The following PDE4D variants were observed in gnomAD, a reference collection of about 807,000 sequenced individuals.
The protein encoded by PDE4D is 3',5'-cyclic-AMP phosphodiesterase 4D.
In PDE4D, 24 loss-of-function variants were observed where a neutral mutation model predicts 87.4. The observed-to-expected ratio is 0.27, with a 90% CI of 0.20 to 0.39. PDE4D has a LOEUF of 0.39. PDE4D is among the 10% of genes least tolerant of loss of function. The pLI is 1.00. For synonymous variants in PDE4D, 384 were observed against 383.2 expected, an observed-to-expected ratio of 1.00 and a Z score of -0.02; for missense variants, 714 against 1,041.0, an observed-to-expected ratio of 0.69 and a Z score of 4.32.
intron 1 of PDE4D, among the ~76,000 whole-genome samples, chr5:59,630,196 A>C (rs1466362910): frequency 6.6e-6 from 1 of 152,224 alleles, no homozygotes; most frequent in African/African-American, 2.4e-5. Flanking sequence ...ATACGTCTAT[A>C]TATAATTTTA....
At chr5:60,232,074 G>A (rs953013770) in intron 1 of PDE4D, among the ~76,000 whole-genome samples, 1 of 151,844 alleles carries the variant, frequency 6.6e-6, no homozygotes. Flanking sequence ...CCAACTGTTT[G>A]TAACTTTGTA....
intron 1 of PDE4D, among the ~76,000 whole-genome samples, chr5:59,353,788 T>C (rs1780913679): frequency 6.6e-6 from 1 of 152,012 alleles, no homozygotes; most frequent in Non-Finnish European, 1.5e-5. Flanking sequence ...TCTGCCTCAA[T>C]CAAACTTAAT....
intron 2 of PDE4D, among the ~76,000 whole-genome samples, chr5:60,143,095 G>C (rs999832677): frequency 2.6e-5 from 4 of 152,178 alleles, no homozygotes; most frequent in Admixed American, 2.0e-4. Context: ...ACGGTAGCTG[G>C]GAGTGAATAA....
intron 5 of PDE4D, among the ~76,000 whole-genome samples, chr5:59,118,441 T>A (rs2153444085): frequency 6.6e-6 from 1 of 152,352 alleles, no homozygotes; most frequent in South Asian, 2.1e-4. Context: ...TAGAAGGTAC[T>A]CCAATAAATA....
chr5:59,323,945 A>G (rs1581957366), intron 1 of PDE4D, among the ~76,000 whole-genome samples: 1 of 151,988 alleles, frequency 6.6e-6, no homozygotes, highest in African/African-American at 2.4e-5. Flanking sequence ...TGACTCCCCA[A>G]CTTATGCTCT....
At chr5:59,812,394 G>T (rs1768456054) in intron 1 of PDE4D, among the ~76,000 whole-genome samples, 1 of 152,170 alleles carries the variant, frequency 6.6e-6, no homozygotes, top group Non-Finnish European at 1.5e-5. Context: ...GTGGGGCCAG[G>T]CGTCATGGCA....
chr5:60,046,779 T>C (rs1216602867), intron 2 of PDE4D, among the ~76,000 whole-genome samples: 1 of 152,204 alleles, frequency 6.6e-6, no homozygotes, highest in Non-Finnish European at 1.5e-5. Context: ...CAGTATTTTA[T>C]TGAGGATTTT....
chr5:60,273,703 C>T (rs1394108976), intron 1 of PDE4D, among the ~76,000 whole-genome samples: 1 of 152,202 alleles, frequency 6.6e-6, no homozygotes, highest in East Asian at 1.9e-4. Flanking sequence ...CAACAAGTTC[C>T]ATTTGGGGTG....
intron 3 of PDE4D, among the ~76,000 whole-genome samples, chr5:59,906,738 G>C (rs191723781): frequency 5.3e-4 from 81 of 152,180 alleles, no homozygotes; most frequent in African/African-American, 1.8e-3. Flanking sequence ...TCTTATTCCA[G>C]TCAGAATGGA....
chr5:59,903,434 A>T (rs1395002896), intron 3 of PDE4D, among the ~76,000 whole-genome samples: 1 of 152,090 alleles, frequency 6.6e-6, no homozygotes, highest in African/African-American at 2.4e-5. Context: ...AAATCTCTGG[A>T]TGAGGCACTC....
chr5:59,711,651 T>C lies in PDE4D; in HGVS notation c.455+181517A>G, dbSNP rs138546299. ...CTATAACTTCCTAGTTTTTGTCTAA[T>C]ACAAGATCTGCTCTTTATGCCTTCA... On this transcript the variant is annotated intron_variant, in intron 1 of 14. Transcript: ENST00000340635. Among the ~76,000 whole-genome samples the C allele has an allele frequency of 7.2e-4, 110 of 152,308 alleles. 1 individual carries two copies. The East Asian group carries it at 0.019, about 26-fold the overall frequency.
Position 60,030,612 on chromosome 5 carries a change from T to A in PDE4D, c.43-41895A>T, listed in dbSNP as rs185875703. Among the ~76,000 whole-genome samples, 6 of 152,330 alleles carry A rather than the reference T, an allele frequency of 3.9e-5. No homozygotes were observed. In the East Asian group the frequency reaches 1.2e-3, roughly 29 times the overall value. ...TTCTGAAGTCAGCATAAATCAAATC[T>A]TAAAAAGACACATGATTTTAAAATA... On this transcript the variant is annotated intron_variant, in intron 2 of 16. Coordinates refer to the PDE4D transcript ENST00000502484.
intron 1 of PDE4D, among the ~76,000 whole-genome samples, chr5:59,698,688 C>G (rs114072744): frequency 6.6e-4 from 100 of 152,194 alleles, no homozygotes; most frequent in African/African-American, 2.4e-3. Context: ...AGTCCCAAAG[C>G]AAATCTATTC....
chr5:59,423,380 A>G (rs2153628222), intron 1 of PDE4D, among the ~76,000 whole-genome samples: 1 of 152,308 alleles, frequency 6.6e-6, no homozygotes, highest in South Asian at 2.1e-4. Context: ...TGTCCCTGTC[A>G]GGATTTCACA....
chr5:59,274,169 A>G (rs1392032253), intron 1 of PDE4D, among the ~76,000 whole-genome samples: 2 of 152,102 alleles, frequency 1.3e-5, no homozygotes, highest in Non-Finnish European at 2.9e-5. Flanking sequence ...TTGTTTGCAG[A>G]TGCAATCTTT....
rs760053963 is a variant in PDE4D, at chr5:58,977,263, T to C, written c.1635A>G (p.Glu545=). The change falls in exon 12 of 15, where the codon GAA becomes GAG. Residue 545 remains glutamate, a synonymous_variant. Coordinates refer to ENST00000340635, the MANE Select transcript of PDE4D (RefSeq NM_001104631.2). ...AATTCTGGAAAATGTCACAGTTTTCTTCCTGAAGCAATTTAAAGCCCACAG... is the reference window on the plus strand; with the variant it reads ...AATTCTGGAAAATGTCACAGTTTTCCTCCTGAAGCAATTTAAAGCCCACAG... ...HLAVGFKLLQ[E]ENCDIFQNLT... is the part of the protein sequence containing the mutation. 1 of 1,613,230 alleles carries C rather than the reference T, an allele frequency of 6.2e-7. No homozygotes were observed. The highest frequency in any genetic ancestry group is 1.3e-5 in the African/African-American group (1 of 75,008).
At chr5:59,597,096 T>G (rs1053968617) in intron 1 of PDE4D, among the ~76,000 whole-genome samples, 3 of 152,196 alleles carry the variant, frequency 2.0e-5, no homozygotes, top group Non-Finnish European at 4.4e-5. Context: ...TGTATCTTCA[T>G]AGTAACTATG....
chr5:60,171,049 T>C (rs544375138), intron 2 of PDE4D, among the ~76,000 whole-genome samples: 1 of 152,182 alleles, frequency 6.6e-6, no homozygotes, highest in South Asian at 2.1e-4. Flanking sequence ...AAAATCACCT[T>C]ACTTTCAGAA....
At chr5:59,017,483 C>T (rs546743973) in intron 6 of PDE4D, among the ~76,000 whole-genome samples, 1 of 152,100 alleles carries the variant, frequency 6.6e-6, no homozygotes, top group Admixed American at 6.5e-5. Context: ...AAGACCAGAA[C>T]ATGTAAATAC....
Sources: allele counts gnomAD v4.1 joint callset (sites outside exome capture counted in the v4.1 genomes callset), GRCh38; gene constraint gnomAD v4.1.1; transcripts MANE v1.5; gene names NCBI Gene and HGNC (gene_info 2026-07-23, HGNC 2026-07-21).